The following KANK3 variants were observed in gnomAD, a reference collection of about 807,000 sequenced individuals.
KANK3 encodes the protein KN motif and ankyrin repeat domains 3, also known as KN motif and ankyrin repeat domain-containing protein 3.
A neutral mutation model predicts 65.4 loss-of-function variants in KANK3; 61 were observed. The ratio of observed to expected loss-of-function variants is 0.93; its 90% CI spans 0.76 to 1.15. The LOEUF (loss-of-function observed/expected upper bound fraction) is 1.15, where lower values mean the gene tolerates loss of function less well. KANK3 is among the 50% of genes most tolerant of loss of function. The pLI is 0.00. For missense variants in KANK3, 1,187 were observed against 1,178.8 expected, an observed-to-expected ratio of 1.01 and a Z score of -0.10; for synonymous variants, 586 against 543.3, an observed-to-expected ratio of 1.08 and a Z score of -1.09.
chr19:8,334,160 C>A, intron 4 of KANK3, 44 bp from the exon 5 acceptor site: 1 of 1,489,576 alleles, frequency 6.7e-7, no homozygotes, highest in Non-Finnish European at 8.9e-7. Context: ...CCCCTGTGGG[C>A]TCGTTCTGGA....
chr19:8,325,224 G>T, intron 7 of KANK3, 128 bp from the exon 8 acceptor site: 1 of 939,706 alleles, frequency 1.1e-6, no homozygotes, highest in Non-Finnish European at 1.5e-6. Context: ...CCCCACAATA[G>T]CTACCTGGTT....
chr19:8,337,648 G>T, intron 2 of KANK3, 147 bp downstream of exon 2: 2 of 952,812 alleles, frequency 2.1e-6, no homozygotes, highest in Admixed American at 1.9e-5. Context: ...ACCCGGCCAT[G>T]ATTGATGCCA....
chr19:8,338,292 G>A (rs942135084), intron 1 of KANK3, among the ~76,000 whole-genome samples: 18 of 152,096 alleles, frequency 1.2e-4, no homozygotes, highest in African/African-American at 4.1e-4. Context: ...AAAGTACTGG[G>A]ATTATAGGCA....
In KANK3 at chr19:8,333,368, G is replaced by A. The variant is rs1317962405; in HGVS notation, c.1720-138C>T. 4.2e-6 allele frequency: 3 copies of A among 720,428 alleles called. No homozygotes were observed. Among genetic ancestry groups the A allele is most frequent in the Non-Finnish European group, 4.5e-6 (2 of 444,964 alleles). 44.6% of individuals were successfully genotyped at this position (720,428 alleles called of 1,614,324 possible). A position where few individuals can be genotyped will look rare whatever the true frequency, so the allele number is the denominator to read the frequency against. ...GTAAGGAAGGTCACTCCTCGTCCAGGTGGGGAGCCATGCGAACCCAGATGG... is the reference window on the plus strand; with the variant it reads ...GTAAGGAAGGTCACTCCTCGTCCAGATGGGGAGCCATGCGAACCCAGATGG... On this transcript the variant is annotated intron_variant, in intron 6 of 10. Transcript: ENST00000330915. This position sits in a 1 kb window ranked among gnomAD's most constrained non-coding sequence, Gnocchi z 5.0.
At chr19:8,323,995 A>G in intron 10 of KANK3, among the ~76,000 whole-genome samples, 1 of 152,166 alleles carries the variant, frequency 6.6e-6, no homozygotes, top group Non-Finnish European at 1.5e-5. Flanking sequence ...GGCAGTAGGT[A>G]ACAGGAGCCC....
intron 2 of KANK3, among the ~76,000 whole-genome samples, chr19:8,337,558 C>G (rs1970662938): frequency 6.6e-6 from 1 of 151,926 alleles, no homozygotes; most frequent in Admixed American, 6.6e-5. Context: ...GTTGCCCAGG[C>G]TGGTCTCAAA....
intron 2 of KANK3, among the ~76,000 whole-genome samples, chr19:8,336,416 G>A (rs1970638362): frequency 7.4e-6 from 1 of 135,260 alleles, no homozygotes; most frequent in African/African-American, 2.9e-5. Context: ...CAGCCTGGGC[G>A]ACAGAAGAGA....
Position 8,333,528 on chromosome 19 carries a change from G to A in KANK3, c.1719+196C>T, listed in dbSNP as rs1348312354. 6.6e-6 allele frequency among the ~76,000 whole-genome samples: 1 copy of A among 152,230 alleles called. No individual in the cohort carries two copies. Among genetic ancestry groups the A allele is most frequent in the Non-Finnish European group, 1.5e-5 (1 of 68,030 alleles). ...TGCCCTTGGGGAGTCCGGGAGTGGG[G>A]CTGGGGCCGGGCCTTTTTGGGGAAA... On this transcript the variant is annotated intron_variant, in intron 6 of 10. Transcript: ENST00000330915. The surrounding 1 kb of genome is among the most constrained non-coding windows in gnomAD (Gnocchi z 5.0).
chr19:8,337,343 A>G (rs1267672173), intron 2 of KANK3, among the ~76,000 whole-genome samples: 1 of 151,730 alleles, frequency 6.6e-6, no homozygotes, highest in Non-Finnish European at 1.5e-5. Context: ...AGCTGGGACT[A>G]CAGGGGCACC....
chr19:8,324,591 G>A, intron 9 of KANK3, 39 bp downstream of exon 9: 5 of 1,612,510 alleles, frequency 3.1e-6, no homozygotes, highest in Non-Finnish European at 4.2e-6. Flanking sequence ...CCAAGCCATG[G>A]GCACCCCCCA....
In KANK3 at chr19:8,331,084, T is replaced by C. The variant is rs537855425; in HGVS notation, c.1936+1930A>G. Among the ~76,000 whole-genome samples the C allele has an allele frequency of 7.8e-4, 119 of 151,814 alleles. 1 individual carries two copies. The Middle Eastern group carries it at 0.014, about 17-fold the overall frequency. ...GGCGGGCGCCTGTAGTCCCAGCTAC[T>C]CGGGAGGCTGAGGCAGGAGAATGGC... On this transcript the variant is annotated intron_variant, in intron 7 of 10. Coordinates refer to ENST00000330915, the MANE Select transcript of KANK3 (RefSeq NM_198471.3).
rs890574407 is a variant in KANK3 at position 8,333,456 on chromosome 19, G to A, written c.1720-226C>T. 1.3e-5 allele frequency among the ~76,000 whole-genome samples: 2 copies of A among 152,214 alleles called. No individual in the cohort carries two copies. The highest frequency in any genetic ancestry group is 4.8e-5 in the African/African-American group (2 of 41,458). On this transcript the variant is annotated intron_variant, in intron 6 of 10. Coordinates refer to ENST00000330915, the MANE Select transcript of KANK3 (RefSeq NM_198471.3). The surrounding 1 kb of genome is among the most constrained non-coding windows in gnomAD (Gnocchi z 5.0). ...GGGGAAGGGGGTCCTTTCCTTCCAG[G>A]GAAGAATTTGCGGGAGAACATGGAA... is the stretch of plus-strand genomic sequence containing the variant.
rs1486885225 is a variant in KANK3 at position 8,333,896 on chromosome 19, C to G, written c.1634+14G>C. The G allele has an allele frequency of 2.5e-6, 4 of 1,573,178 alleles. No individual in the cohort carries two copies. Among genetic ancestry groups the G allele is most frequent in the Non-Finnish European group, 2.6e-6 (3 of 1,162,026 alleles). ...AGCCGCCTCCTCTCCAAACAACTAG[C>G]GAGCGCCGCTCACCTCCCCTGTGCC... On this transcript the variant is annotated intron_variant, in intron 5 of 10. Coordinates refer to ENST00000330915, the MANE Select transcript of KANK3 (RefSeq NM_198471.3). The surrounding 1 kb of genome is among the most constrained non-coding windows in gnomAD (Gnocchi z 5.0).
At chr19:8,331,647 T>C (rs2145424642) in intron 7 of KANK3, among the ~76,000 whole-genome samples, 1 of 152,076 alleles carries the variant, frequency 6.6e-6, no homozygotes, top group Non-Finnish European at 1.5e-5. Context: ...CAGCTGGAGG[T>C]GGGTGGGGCA....
Position 8,333,683 on chromosome 19 carries a change from T to G in KANK3, c.1719+41A>C. On this transcript the variant is annotated intron_variant, in intron 6 of 10. Transcript: ENST00000330915. This position sits in a 1 kb window ranked among gnomAD's most constrained non-coding sequence, Gnocchi z 5.0. ...GTGGGCGTCAGAGGTCCTTGGAGGC[T>G]CCCACGCCACTCCCTGGTGCTGCGC... The G allele has an allele frequency of 7.1e-7, 1 of 1,414,252 alleles. No homozygotes were observed. The highest frequency in any genetic ancestry group is 1.5e-5 in the South Asian group (1 of 65,954). The allele number at this position is 1,414,252 out of a possible 1,614,324, so 87.6% of individuals were successfully genotyped here. A position where few individuals can be genotyped will look rare whatever the true frequency, so the allele number is the denominator to read the frequency against.
At chr19:8,325,523 G>A (rs953310486) in intron 7 of KANK3, among the ~76,000 whole-genome samples, 3 of 151,488 alleles carry the variant, frequency 2.0e-5, no homozygotes, top group Non-Finnish European at 2.9e-5. Flanking sequence ...TCCACCCACC[G>A]TAGCCTCCCA....
In KANK3 at chr19:8,333,673, C is replaced by T. The variant is rs1970570694; in HGVS notation, c.1719+51G>A. The T allele has an allele frequency of 7.2e-7, 1 of 1,385,636 alleles. No individual in the cohort carries two copies. Among genetic ancestry groups the T allele is most frequent in the Admixed American group, 3.0e-5 (1 of 33,412 alleles). 85.8% of individuals were successfully genotyped at this position (1,385,636 alleles called of 1,614,324 possible). On this transcript the variant is annotated intron_variant, in intron 6 of 10. Transcript: ENST00000330915. This position sits in a 1 kb window ranked among gnomAD's most constrained non-coding sequence, Gnocchi z 5.0. ...GCTCCCCTAAGTGGGCGTCAGAGGT[C>T]CTTGGAGGCTCCCACGCCACTCCCT...
intron 10 of KANK3, chr19:8,323,681 T>G (rs2145408484): frequency 6.6e-6 from 1 of 152,312 alleles, no homozygotes. Context: ...TGCAGTGAGC[T>G]GCAGTCGCCC....
At position 8,334,525 on chromosome 19, in the gene KANK3, G is replaced by A. The variant is rs756743213; in HGVS notation, c.1302C>T (p.Asp434=). The A allele has an allele frequency of 4.5e-5, 72 of 1,603,726 alleles. No individual in the cohort carries two copies. The highest frequency in any genetic ancestry group is 4.2e-5 in the Non-Finnish European group (49 of 1,179,594). Residue 434 remains aspartate (D), a synonymous_variant, in exon 3 of 11, where the codon GAC becomes GAT. Coordinates refer to ENST00000330915, the MANE Select transcript of KANK3 (RefSeq NM_198471.3). ...LTQESSPGSM[D]GDRAVAPAGI... Reference sequence around the variant, plus strand: ...CCGCGGGCGCCACGGCCCTGTCTCCGTCCATGGATCCGGGCGAGCTCTCCT... The same window carrying A: ...CCGCGGGCGCCACGGCCCTGTCTCCATCCATGGATCCGGGCGAGCTCTCCT...
Sources: allele counts gnomAD v4.1 joint callset (sites outside exome capture counted in the v4.1 genomes callset), GRCh38; gene constraint gnomAD v4.1.1; non-coding constraint Gnocchi (gnomAD v3.1); transcripts MANE v1.5; gene names NCBI Gene and HGNC (gene_info 2026-07-23, HGNC 2026-07-21).